Variants in JARID2 observed in about 807,000 individuals in gnomAD.
The protein encoded by JARID2 is protein Jumonji.
JARID2 carries 21 observed loss-of-function variants against 125.6 expected under a neutral mutation model. The ratio of observed to expected loss-of-function variants is 0.17; its 90% CI spans 0.12 to 0.24. JARID2 has a LOEUF of 0.24. Among genes scored for constraint, JARID2 ranks in the 10% least tolerant of loss-of-function variants. The probability of loss-of-function intolerance (pLI) is 1.00; values close to 1 mark genes in which losing one functional copy is unlikely to be tolerated. For synonymous variants in JARID2, 736 were observed against 661.6 expected, an observed-to-expected ratio of 1.11 and a Z score of -1.73; for missense variants, 1,303 against 1,639.6, an observed-to-expected ratio of 0.79 and a Z score of 3.55.
chr6:15,260,991 C>G (rs939875738), intron 1 of JARID2, among the ~76,000 whole-genome samples: 1 of 152,056 alleles, frequency 6.6e-6, no homozygotes, highest in African/African-American at 2.4e-5. Flanking sequence ...TATTTCTTTC[C>G]AGAATTTATT....
At chr6:15,370,312 T>A (rs1764116908) in intron 1 of JARID2, among the ~76,000 whole-genome samples, 1 of 149,174 alleles carries the variant, frequency 6.7e-6, no homozygotes, top group South Asian at 2.1e-4. Context: ...CCTCTAATGA[T>A]AGAGTTGTAT....
rs757584505 is a variant in JARID2, at chr6:15,487,314, T to C, written c.678T>C (p.Asn226=). ...HKHVHNGHVF[N]GSSRSTREKE... ...TTTCTCCTTCCTTTCTAGTTTTCAATGGTTCCAGCAGGTCAACACGGGAGA... is the reference window on the plus strand; with the variant it reads ...TTTCTCCTTCCTTTCTAGTTTTCAACGGTTCCAGCAGGTCAACACGGGAGA... Residue 226 remains asparagine, a synonymous_variant, in exon 6 of 18, where the codon AAT becomes AAC. Transcript: ENST00000341776. 1.4e-5 allele frequency: 22 copies of C among 1,613,724 alleles called. 1 individual carries two copies. The highest frequency in any genetic ancestry group is 1.9e-5 in the Non-Finnish European group (22 of 1,179,810).
At chr6:15,292,115 C>A (rs1761240746) in intron 1 of JARID2, among the ~76,000 whole-genome samples, 1 of 151,986 alleles carries the variant, frequency 6.6e-6, no homozygotes, top group Non-Finnish European at 1.5e-5. Context: ...CTCCCGGGTT[C>A]ACGCCATTCT....
chr6:15,475,495 T>G (rs1272262881), intron 5 of JARID2, among the ~76,000 whole-genome samples: 3 of 152,174 alleles, frequency 2.0e-5, no homozygotes, highest in Non-Finnish European at 2.9e-5. Flanking sequence ...CAACTAGCAT[T>G]TTCTCTTGCA....
intron 1 of JARID2, among the ~76,000 whole-genome samples, chr6:15,366,994 T>C (rs993369628): frequency 6.6e-6 from 1 of 152,178 alleles, no homozygotes; most frequent in African/African-American, 2.4e-5. Flanking sequence ...ATTGTAGGCT[T>C]TTTTTGGTTT....
intron 16 of JARID2, among the ~76,000 whole-genome samples, chr6:15,515,618 CTACAAAAAA>C (rs897841275): frequency 1.3e-5 from 2 of 151,868 alleles, no homozygotes; most frequent in African/African-American, 4.8e-5. Context: ...AGACTAATCT[CTACAAAAAA>C]TACAAAAAAT....
chr6:15,453,555 C>G (rs1265250757), intron 4 of JARID2, among the ~76,000 whole-genome samples: 1 of 152,192 alleles, frequency 6.6e-6, no homozygotes, highest in Admixed American at 6.5e-5. Context: ...AGTTGCCCGT[C>G]TCAGCCTTTG....
At position 15,246,459 on chromosome 6, in the gene JARID2, G is replaced by A; in HGVS notation, c.-81G>A. The A allele has an allele frequency of 8.5e-7, 1 of 1,175,006 alleles. No individual in the cohort carries two copies. The highest frequency in any genetic ancestry group is 2.4e-5 in the East Asian group (1 of 42,246). 72.8% of individuals were successfully genotyped at this position (1,175,006 alleles called of 1,614,324 possible). On this transcript the variant is annotated 5_prime_UTR_variant, in exon 1 of 18. Coordinates refer to ENST00000341776, the MANE Select transcript of JARID2 (RefSeq NM_004973.4). ...CCACCAACAACAATAAAAACCACCA[G>A]GATATTTTTTTGCAAATTTCTGACG...
At chr6:15,370,513 A>G (rs1764128061) in intron 1 of JARID2, among the ~76,000 whole-genome samples, 1 of 151,116 alleles carries the variant, frequency 6.6e-6, no homozygotes. Flanking sequence ...AATATTTTGT[A>G]TTTTCTTTTA....
intron 15 of JARID2, 35 bp from the exon 16 acceptor site, chr6:15,513,204 C>G (rs767520291): frequency 6.4e-7 from 1 of 1,554,348 alleles, no homozygotes; most frequent in African/African-American, 1.4e-5. Flanking sequence ...GGCAGGCCGT[C>G]ACTAAAGGTG....
chr6:15,500,486 T>C (rs1353924453), intron 7 of JARID2, among the ~76,000 whole-genome samples: 3 of 152,080 alleles, frequency 2.0e-5, no homozygotes, highest in Non-Finnish European at 4.4e-5. Flanking sequence ...GGGCCGTGGG[T>C]GCAGCCAGGA....
chr6:15,389,207 C>T (rs1351235307), intron 2 of JARID2, among the ~76,000 whole-genome samples: 1 of 152,198 alleles, frequency 6.6e-6, no homozygotes, highest in Admixed American at 6.5e-5. Flanking sequence ...GTTGCCCAGG[C>T]TGTAGTGCAG....
intron 1 of JARID2, among the ~76,000 whole-genome samples, chr6:15,327,083 C>T (rs1762555134): frequency 6.6e-6 from 1 of 152,178 alleles, no homozygotes; most frequent in Non-Finnish European, 1.5e-5. Context: ...TTGGGCCCGA[C>T]CTGAAACACG....
At chr6:15,512,776 AG>A in intron 14 of JARID2, 138 bp from the exon 15 acceptor site, 1 of 906,074 alleles carries the variant, frequency 1.1e-6, no homozygotes, top group Non-Finnish European at 1.7e-6. Flanking sequence ...AGGGAGGCAA[AG>A]TTTTGAAGAG....
At chr6:15,428,930 A>AACC (rs1766847932) in intron 3 of JARID2, among the ~76,000 whole-genome samples, 3 of 89,852 alleles carry the variant, frequency 3.3e-5, no homozygotes, top group Admixed American at 1.2e-4. Flanking sequence ...AAAAAAACAA[A>AACC]CCCCCCCCCC....
In JARID2 at chr6:15,396,230, A is replaced by C. The variant is rs192841266; in HGVS notation, c.182-13994A>C. ...AAGCCAACAATATATATTGAACCAA[A>C]ATTTGAGTGTTTTATTACCATGAAT... On this transcript the variant is annotated intron_variant, in intron 2 of 17. Transcript: ENST00000341776. Among the ~76,000 whole-genome samples the C allele has an allele frequency of 2.5e-3, 380 of 152,286 alleles. 4 individuals are homozygous for C. The highest frequency in any genetic ancestry group is 0.02 in the Admixed American group (312 of 15,298).
intron 3 of JARID2, among the ~76,000 whole-genome samples, chr6:15,417,882 TTC>T (rs1766306387): frequency 1.3e-5 from 2 of 152,374 alleles, no homozygotes; most frequent in Admixed American, 1.3e-4. Context: ...CTTTCGAGAC[TTC>T]TCTGACTTGT....
intron 1 of JARID2, among the ~76,000 whole-genome samples, chr6:15,309,355 A>G (rs1392845683): frequency 6.6e-6 from 1 of 152,124 alleles, no homozygotes; most frequent in East Asian, 1.9e-4. Flanking sequence ...AGTATACATT[A>G]TAAGTAGTGT....
intron 1 of JARID2, among the ~76,000 whole-genome samples, chr6:15,266,991 C>CT (rs892219243): frequency 2.0e-5 from 3 of 152,322 alleles, no homozygotes; most frequent in African/African-American, 7.2e-5. Flanking sequence ...ATTAGGTGCT[C>CT]TAATAGGCAC....
Sources: allele counts gnomAD v4.1 joint callset (sites outside exome capture counted in the v4.1 genomes callset), GRCh38; gene constraint gnomAD v4.1.1; transcripts MANE v1.5; gene names NCBI Gene and HGNC (gene_info 2026-07-23, HGNC 2026-07-21).